CPEB2: variants seen among roughly 807,000 people sequenced by gnomAD.
CPEB2 encodes cytoplasmic polyadenylation element-binding protein 2.
CPEB2 carries 56 observed loss-of-function variants against 93.6 expected under a neutral mutation model. The observed-to-expected ratio is 0.60, with a 90% CI of 0.48 to 0.75. The LOEUF is 0.75. CPEB2 is among the 30% of genes least tolerant of loss of function. CPEB2 has a pLI of 0.00. For synonymous variants in CPEB2, 764 were observed against 586.3 expected (o/e 1.30, Z -4.38); for missense variants, 1,579 against 1,395.1 (o/e 1.13, Z -2.10).
chr4:15,002,533 G>A lies in CPEB2; in HGVS notation c.-141G>A. ...GCGAGGGGTGGTGGGGCCGAAGTCG[G>A]TGCCCCCTGGCTCAGTCACGGTGTC... On this transcript the variant is annotated 5_prime_UTR_variant, in exon 1 of 12. The change creates a new upstream start codon in the 5' untranslated region. Transcript: ENST00000538197. The A allele has an allele frequency of 1.6e-6, 1 of 617,122 alleles. No homozygotes were observed. The highest frequency in any genetic ancestry group is 2.5e-6 in the Non-Finnish European group (1 of 397,404). The allele number at this position is 617,122 out of a possible 1,614,324, so 38.2% of individuals were successfully genotyped here.
intron 5 of CPEB2, among the ~76,000 whole-genome samples, chr4:15,036,573 A>C (rs1726632350): frequency 6.6e-6 from 1 of 152,212 alleles, no homozygotes; most frequent in Admixed American, 6.5e-5. Flanking sequence ...AGCAATACAA[A>C]ATGATGTATC....
rs1317542841 is a variant in CPEB2 at position 15,068,382 on chromosome 4, C to T, written c.*2002C>T. On this transcript the variant is annotated 3_prime_UTR_variant, in exon 12 of 12. Transcript: ENST00000538197. ...CCCTATTTGTTACTTAACCATGATC[C>T]TCCAGATTTTTTGGAGTATTCTTTT... is the stretch of plus-strand genomic sequence containing the variant. The T allele has an allele frequency of 2.0e-5, 3 of 152,230 alleles. No homozygotes were observed. The highest frequency in any genetic ancestry group is 4.8e-5 in the African/African-American group (2 of 41,400). 9.4% of individuals were successfully genotyped at this position (152,230 alleles called of 1,614,324 possible).
intron 5 of CPEB2, among the ~76,000 whole-genome samples, chr4:15,033,415 T>C (rs1204748207): frequency 6.6e-6 from 1 of 152,206 alleles, no homozygotes; most frequent in Non-Finnish European, 1.5e-5. Context: ...CAGTATGACT[T>C]TAATTCAGTG....
intron 3 of CPEB2, among the ~76,000 whole-genome samples, chr4:15,010,754 C>T (rs1255479433): frequency 2.6e-5 from 4 of 152,138 alleles, no homozygotes; most frequent in African/African-American, 9.7e-5. Context: ...TATTTTACAA[C>T]ATTTTACTTT....
chr4:15,009,949 GATTTTAGGGAAATTT>G (rs1271831104), intron 3 of CPEB2, among the ~76,000 whole-genome samples: 2 of 152,152 alleles, frequency 1.3e-5, no homozygotes, highest in African/African-American at 4.8e-5. Flanking sequence ...TATAACCTAA[GATTTTAGGGAAATTT>G]ATTTTAGGAA....
intron 7 of CPEB2, among the ~76,000 whole-genome samples, chr4:15,053,861 A>T (rs922170600): frequency 2.0e-5 from 3 of 152,170 alleles, no homozygotes. Context: ...TAGTATCCAT[A>T]CAATGTTATA....
Position 15,004,298 on chromosome 4 carries a change from C to T in CPEB2, c.1625C>T (p.Ala542Val). 1 of 1,493,488 alleles carries T rather than the reference C, an allele frequency of 6.7e-7. No individual in the cohort carries two copies. The highest frequency in any genetic ancestry group is 8.9e-7 in the Non-Finnish European group (1 of 1,129,554). 92.5% of individuals were successfully genotyped at this position (1,493,488 alleles called of 1,614,324 possible). A position where few individuals can be genotyped will look rare whatever the true frequency, so the allele number is the denominator to read the frequency against. Residue 542 changes from alanine (A) to valine (V), a missense_variant, in exon 1 of 12, where the codon GCC becomes GTC. Transcript: ENST00000538197. The stretch of plus-strand genomic sequence containing the variant: ...CAGCAGCACCAGGCGGCGGCCGCCG[C>T]CTTCCTGCAGCAGAGGAACTCCTAT... The part of the protein sequence containing the change: ...LQQQHQAAAA[A>V]FLQQRNSYNH...
At position 15,067,929 on chromosome 4, in the gene CPEB2, G is replaced by T. The variant is rs1485536762; in HGVS notation, c.*1549G>T. ...TGGGGTGTTTTGAGAAAGTGGCATG[G>T]AAACATGCAGTAGTTAATGAGTTTC... On this transcript the variant is annotated 3_prime_UTR_variant, in exon 12 of 12. Coordinates refer to ENST00000538197, the MANE Select transcript of CPEB2 (RefSeq NM_001177382.2). 1 of 152,262 alleles carries T rather than the reference G, an allele frequency of 6.6e-6. No individual in the cohort carries two copies. Among genetic ancestry groups the T allele is most frequent in the Non-Finnish European group, 1.5e-5 (1 of 67,882 alleles). The allele number at this position is 152,262 out of a possible 1,614,324, so 9.4% of individuals were successfully genotyped here.
intron 4 of CPEB2, among the ~76,000 whole-genome samples, chr4:15,018,129 A>G (rs995213649): frequency 3.3e-5 from 5 of 151,924 alleles, no homozygotes; most frequent in Admixed American, 6.6e-5. Flanking sequence ...TTCTGGCTCA[A>G]AATCTCTCAT....
intron 7 of CPEB2, among the ~76,000 whole-genome samples, chr4:15,053,341 A>C (rs1311668853): frequency 1.3e-5 from 2 of 152,184 alleles, no homozygotes; most frequent in Non-Finnish European, 2.9e-5. Flanking sequence ...TTAAGGATAA[A>C]TGTGCTCTTA....
At chr4:15,058,570 C>G (rs201193770) in intron 9 of CPEB2, 31 bp downstream of exon 9, 205 of 1,247,518 alleles carry the variant, frequency 1.6e-4, no homozygotes, top group Admixed American at 1.6e-4. Context: ...CTTCAGGCTA[C>G]AAATGCAAAT....
At chr4:15,050,557 T>C (rs541921958) in intron 6 of CPEB2, among the ~76,000 whole-genome samples, 1 of 152,336 alleles carries the variant, frequency 6.6e-6, no homozygotes, top group Non-Finnish European at 1.5e-5. Flanking sequence ...ATACATGCAA[T>C]GTGACTCCTA....
rs769180579 is a variant in CPEB2 at position 15,052,459 on chromosome 4, G to C, written c.2246G>C (p.Gly749Ala). ...FPIDDGLLDDGHSDQVGVLNS... is the reference protein window; with the variant it reads ...FPIDDGLLDDAHSDQVGVLNS... Reference sequence around the variant, plus strand: ...ATAGATGATGGCTTGCTTGATGATGGTCACAGTGATCAAGTTGGAGTTTTA... The same window carrying C: ...ATAGATGATGGCTTGCTTGATGATGCTCACAGTGATCAAGTTGGAGTTTTA... Residue 749 changes from glycine to alanine, a missense_variant, in exon 7 of 12, where the codon GGT becomes GCT. Gly to Ala is a moderately conservative substitution (Grantham distance 60, BLOSUM62 0). Coordinates refer to ENST00000538197, the MANE Select transcript of CPEB2 (RefSeq NM_001177382.2). 4 of 1,586,404 alleles carry C rather than the reference G, an allele frequency of 2.5e-6. No individual in the cohort carries two copies. In the South Asian group the frequency reaches 3.4e-5, roughly 14 times the overall value.
At chr4:15,043,275 A>G (rs1219692749) in intron 6 of CPEB2, among the ~76,000 whole-genome samples, 2 of 152,200 alleles carry the variant, frequency 1.3e-5, no homozygotes, top group African/African-American at 4.8e-5. Context: ...TATGAAATAT[A>G]CTTTAGGAAT....
intron 5 of CPEB2, among the ~76,000 whole-genome samples, chr4:15,038,800 G>A (rs1726894371): frequency 6.6e-6 from 1 of 152,026 alleles, no homozygotes; most frequent in Non-Finnish European, 1.5e-5. Flanking sequence ...TATTGGTCAG[G>A]CTGGTCTCCA....
At chr4:15,013,763 T>G (rs1723780203) in intron 3 of CPEB2, among the ~76,000 whole-genome samples, 1 of 152,038 alleles carries the variant, frequency 6.6e-6, no homozygotes, top group African/African-American at 2.4e-5. Flanking sequence ...GTTTGTTGCT[T>G]TAAAAATCAC....
chr4:15,008,654 C>CT (rs1161368602), intron 3 of CPEB2, among the ~76,000 whole-genome samples: 1 of 151,972 alleles, frequency 6.6e-6, no homozygotes, highest in Non-Finnish European at 1.5e-5. Context: ...ACATAATAAA[C>CT]TTTTTTTGGA....
In CPEB2 at chr4:15,052,643, A is replaced by G. The variant is rs1728338320; in HGVS notation, c.2371+59A>G. On this transcript the variant is annotated intron_variant, in intron 7 of 11. Coordinates refer to ENST00000538197, the MANE Select transcript of CPEB2 (RefSeq NM_001177382.2). ...TGGGCTTTAACAAAAACAAAAAGAT[A>G]TGAAATTTAATGTGAATGGACTATG... 3.9e-5 allele frequency: 44 copies of G among 1,124,554 alleles called. No individual in the cohort carries two copies. In the South Asian group the frequency reaches 9.9e-4, roughly 25 times the overall value. The allele number at this position is 1,124,554 out of a possible 1,614,324, so 69.7% of individuals were successfully genotyped here.
intron 4 of CPEB2, among the ~76,000 whole-genome samples, chr4:15,021,158 C>T (rs1232706814): frequency 6.6e-6 from 1 of 152,096 alleles, no homozygotes; most frequent in Non-Finnish European, 1.5e-5. Flanking sequence ...GGATCGTGAA[C>T]AGTGACACAC....
Sources: allele counts gnomAD v4.1 joint callset (sites outside exome capture counted in the v4.1 genomes callset), GRCh38; gene constraint gnomAD v4.1.1; transcripts MANE v1.5; gene names NCBI Gene and HGNC (gene_info 2026-07-23, HGNC 2026-07-21).